KIAA1755: variants seen among roughly 807,000 people sequenced by gnomAD.
KIAA1755 encodes the protein uncharacterized protein KIAA1755.
Under a neutral mutation model 91.7 loss-of-function variants are expected in KIAA1755, and 68 were observed. The ratio of observed to expected loss-of-function variants is 0.74; its 90% confidence interval spans 0.61 to 0.91. KIAA1755 has a LOEUF of 0.91. Among genes scored for constraint, KIAA1755 ranks in the 40% least tolerant of loss-of-function variants. KIAA1755 has a pLI of 0.00. For synonymous variants in KIAA1755, 610 were observed against 604.6 expected, an observed-to-expected ratio of 1.01 and a Z score of -0.13; for missense variants, 1,535 against 1,494.4, an observed-to-expected ratio of 1.03 and a Z score of -0.45.
intron 4 of KIAA1755, chr20:38,233,299 G>A (rs1266558175): frequency 6.6e-6 from 1 of 152,176 alleles, no homozygotes; most frequent in Non-Finnish European, 1.5e-5. Flanking sequence ...TGATAGGTAT[G>A]TGGGTATTCA....
At chr20:38,234,728 C>T (rs761328619) in intron 4 of KIAA1755, among the ~76,000 whole-genome samples, 3 of 152,210 alleles carry the variant, frequency 2.0e-5, no homozygotes, top group Non-Finnish European at 4.4e-5. Context: ...ACGATTAGTT[C>T]ACATGTCTGG....
At chr20:38,221,964 G>T (rs977844491) in intron 10 of KIAA1755, among the ~76,000 whole-genome samples, 1 of 152,174 alleles carries the variant, frequency 6.6e-6, no homozygotes, top group African/African-American at 2.4e-5. Flanking sequence ...AGGCAGGGCC[G>T]GGTAGGGGTT....
Position 38,223,639 on chromosome 20 carries a change from G to T in KIAA1755, c.2170-3C>A, listed in dbSNP as rs1437353400. On this transcript the variant is annotated splice_polypyrimidine_tract_variant and splice_region_variant and intron_variant, in intron 8 of 13. Transcript: ENST00000279024. ...TCAGCAAGGAAAGGGTCCAGCTTCT[G>T]CAGGACAGAGGACCAAAGGGCAGGT... 5 of 1,603,028 alleles carry T rather than the reference G, an allele frequency of 3.1e-6. No individual in the cohort carries two copies. The highest frequency in any genetic ancestry group is 4.3e-6 in the Non-Finnish European group (5 of 1,175,192).
chr20:38,233,027 TG>T (rs948984051), intron 4 of KIAA1755, among the ~76,000 whole-genome samples: 14 of 151,684 alleles, frequency 9.2e-5, no homozygotes, highest in African/African-American at 3.4e-4. Context: ...GAGGCTGAGG[TG>T]GGAGAATCGC....
chr20:38,246,960 C>G (rs968573291), intron 1 of KIAA1755, among the ~76,000 whole-genome samples: 2 of 152,198 alleles, frequency 1.3e-5, no homozygotes, highest in Admixed American at 6.5e-5. Context: ...GCCAGGTGCT[C>G]CGCGCTGTCC....
chr20:38,240,881 G>A lies in KIAA1755; in HGVS notation c.1250C>T (p.Pro417Leu), dbSNP rs1294940380. 6.2e-7 allele frequency: 1 copy of A among 1,614,046 alleles called. No individual in the cohort carries two copies. Among genetic ancestry groups the A allele is most frequent in the Non-Finnish European group, 8.5e-7 (1 of 1,180,012 alleles). ...PENMVQLRPG[P>L]RQASSPRLSP... ...CAGGCGGGGAGAGGAGGCTTGTCTT[G>A]GTCCAGGCCTGAGCTGCACCATATT... The change falls in exon 3 of 14, where the codon CCA (proline) becomes CTA (leucine). Residue 417 changes from proline (P) to leucine (L), a missense_variant. By Grantham distance (98) the Pro-to-Leu change is moderately conservative. Transcript: ENST00000279024.
intron 4 of KIAA1755, among the ~76,000 whole-genome samples, chr20:38,232,746 TAA>T (rs778646177): frequency 2.0e-5 from 3 of 152,132 alleles, no homozygotes; most frequent in Non-Finnish European, 4.4e-5. Flanking sequence ...ATTTCGAAAG[TAA>T]AGACATTTTG....
chr20:38,252,343 T>G (rs902118792), intron 1 of KIAA1755, among the ~76,000 whole-genome samples: 1 of 152,214 alleles, frequency 6.6e-6, no homozygotes, highest in African/African-American at 2.4e-5. Flanking sequence ...TGTCCACTAC[T>G]GTCACCCCAA....
At position 38,241,188 on chromosome 20, in the gene KIAA1755, G is replaced by T. The variant is rs148682562; in HGVS notation, c.943C>A (p.Pro315Thr). The T allele has an allele frequency of 6.2e-7, 1 of 1,614,168 alleles. No homozygotes were observed. Among genetic ancestry groups the T allele is most frequent in the African/African-American group, 1.3e-5 (1 of 75,042 alleles). Residue 315 changes from proline to threonine, a missense_variant, in exon 3 of 14, where the codon CCC becomes ACC. Coordinates refer to ENST00000279024, the MANE Select transcript of KIAA1755 (RefSeq NM_001029864.2). Reference protein sequence around the residue: ...LEEIAGTKETPLFQKILPLSE... With the variant: ...LEEIAGTKETTLFQKILPLSE... ...AGAGGCAGTATCTTTTGAAATAAGG[G>T]AGTTTCCTTAGTTCCAGCTATCTCC... is the stretch of plus-strand genomic sequence containing the variant.
At chr20:38,234,440 T>C (rs2075922055) in intron 4 of KIAA1755, among the ~76,000 whole-genome samples, 1 of 152,210 alleles carries the variant, frequency 6.6e-6, no homozygotes, top group South Asian at 2.1e-4. Flanking sequence ...GGGTGTGCAC[T>C]GGGTCAAACT....
intron 1 of KIAA1755, among the ~76,000 whole-genome samples, chr20:38,254,540 C>A (rs2076306406): frequency 6.6e-6 from 1 of 152,058 alleles, no homozygotes. Flanking sequence ...ATAATCCCAG[C>A]ACTTTGGGAG....
intron 4 of KIAA1755, among the ~76,000 whole-genome samples, chr20:38,235,132 G>A (rs967702830): frequency 1.3e-5 from 2 of 152,142 alleles, no homozygotes; most frequent in Non-Finnish European, 2.9e-5. Flanking sequence ...ATATCAAAAC[G>A]AGTGTGAATG....
intron 13 of KIAA1755, among the ~76,000 whole-genome samples, chr20:38,216,318 T>C (rs1343791480): frequency 6.6e-6 from 1 of 152,190 alleles, no homozygotes; most frequent in Admixed American, 6.5e-5. Context: ...TTGCCCACTG[T>C]CCCAAGGAGA....
At chr20:38,220,377 C>T (rs560249153) in intron 10 of KIAA1755, among the ~76,000 whole-genome samples, 5 of 150,190 alleles carry the variant, frequency 3.3e-5, no homozygotes, top group Non-Finnish European at 7.4e-5. Context: ...TGCAGTGGCG[C>T]GATCTCCATT....
intron 5 of KIAA1755, among the ~76,000 whole-genome samples, chr20:38,229,709 C>T (rs771898324): frequency 2.0e-5 from 3 of 152,212 alleles, no homozygotes; most frequent in Non-Finnish European, 2.9e-5. Flanking sequence ...TCTACACCCC[C>T]TCATCCCTGC....
chr20:38,219,225 A>G (rs2075609898), intron 11 of KIAA1755, among the ~76,000 whole-genome samples: 1 of 152,044 alleles, frequency 6.6e-6, no homozygotes, highest in African/African-American at 2.4e-5. Context: ...AAGCCACACC[A>G]GGTGCAGGTT....
chr20:38,257,937 T>C (rs2086108560), intron 1 of KIAA1755, among the ~76,000 whole-genome samples: 1 of 151,914 alleles, frequency 6.6e-6, no homozygotes, highest in Admixed American at 6.6e-5. Flanking sequence ...CTCGCTCTTG[T>C]CCTCCAGGCT....
chr20:38,213,828 G>A, intron 13 of KIAA1755, 85 bp from the exon 14 acceptor site: 5 of 980,614 alleles, frequency 5.1e-6, no homozygotes, highest in Non-Finnish European at 7.2e-6. Flanking sequence ...CCAATGCCAG[G>A]GCCCCGCTCA....
rs117138316 is a variant in KIAA1755 at position 38,243,921 on chromosome 20, G to A, written c.202-1992C>T. On this transcript the variant is annotated intron_variant, in intron 2 of 13. Coordinates refer to ENST00000279024, the MANE Select transcript of KIAA1755 (RefSeq NM_001029864.2). ...ATGTGTTAGGTGCTGTGTTATTAACGTTTCTGCTTGACACATAAGGAAACT... is the reference window on the plus strand; with the variant it reads ...ATGTGTTAGGTGCTGTGTTATTAACATTTCTGCTTGACACATAAGGAAACT... Among the ~76,000 whole-genome samples the A allele has an allele frequency of 2.2e-3, 332 of 152,230 alleles. 4 individuals are homozygous for A. In the East Asian group the frequency reaches 0.043, roughly 20 times the overall value.
Sources: gnomAD v4.1 joint callset for allele counts (sites outside exome capture counted in the v4.1 genomes callset) on GRCh38, gnomAD v4.1.1 for gene constraint, MANE v1.5 for transcripts, NCBI Gene and HGNC (gene_info 2026-07-23, HGNC 2026-07-21) for gene names.